The following PCSK6 variants were observed in gnomAD, a reference collection of about 807,000 sequenced individuals.
PCSK6 encodes paired basic amino acid cleaving enzyme 4.
Under a neutral mutation model 123.3 loss-of-function variants are expected in PCSK6, and 85 were observed. The ratio of observed to expected loss-of-function variants is 0.69; its 90% CI spans 0.58 to 0.83. The LOEUF is 0.83. PCSK6 is among the 40% of genes least tolerant of loss of function. The pLI is 0.00. For missense variants in PCSK6, 1,191 were observed against 1,282.3 expected (o/e 0.93, Z 1.09); for synonymous variants, 508 against 516.0 (o/e 0.98, Z 0.21).
chr15:101,430,124 G>T, intron 4 of PCSK6, 61 bp from the exon 5 acceptor site: 1 of 1,364,038 alleles, frequency 7.3e-7, no homozygotes, highest in South Asian at 1.2e-5. Flanking sequence ...GTTTGAAATG[G>T]ATTTTATGTT....
chr15:101,363,882 C>T (rs2041311394), intron 13 of PCSK6, among the ~76,000 whole-genome samples: 1 of 152,008 alleles, frequency 6.6e-6, no homozygotes, highest in Non-Finnish European at 1.5e-5. Flanking sequence ...TCGTGATCCA[C>T]CCGCCTCGGC....
At chr15:101,339,421 G>A (rs774598495) in intron 13 of PCSK6, among the ~76,000 whole-genome samples, 2 of 152,160 alleles carry the variant, frequency 1.3e-5, no homozygotes, top group Non-Finnish European at 2.9e-5. Flanking sequence ...AGCCACCCAT[G>A]GCTATGTTCA....
At chr15:101,345,642 G>A (rs368684867) in intron 13 of PCSK6, among the ~76,000 whole-genome samples, 42 of 152,320 alleles carry the variant, frequency 2.8e-4, no homozygotes, top group African/African-American at 1.0e-3. Flanking sequence ...AACACTGAGC[G>A]CTCTCGCGAA....
chr15:101,391,290 T>A (rs2042227166), intron 8 of PCSK6, among the ~76,000 whole-genome samples: 1 of 152,220 alleles, frequency 6.6e-6, no homozygotes, highest in African/African-American at 2.4e-5. Flanking sequence ...TGAATGTACT[T>A]GGGCTTGGTA....
chr15:101,375,235 G>A (rs928433295), intron 11 of PCSK6, among the ~76,000 whole-genome samples: 3 of 152,160 alleles, frequency 2.0e-5, no homozygotes, highest in Admixed American at 6.5e-5. Context: ...TTACAGGCGT[G>A]AGCCACGGCG....
rs118088280 is a variant in PCSK6, at chr15:101,355,476, G to A, written c.1858+10720C>T. The stretch of plus-strand genomic sequence containing the variant: ...GGGAGGGCTAGGCCAACTCAGTAAA[G>A]TTTGGGCCCTGTACATAGCCCTGGT... On this transcript the variant is annotated intron_variant, in intron 13 of 21. Coordinates refer to ENST00000611716, the MANE Select transcript of PCSK6 (RefSeq NM_002570.5). 6.7e-3 allele frequency among the ~76,000 whole-genome samples: 1,025 copies of A among 152,354 alleles called. 7 individuals are homozygous for A. The highest frequency in any genetic ancestry group is 0.041 in the Middle Eastern group (12 of 294).
At chr15:101,331,727 C>A in intron 14 of PCSK6, 38 bp from the exon 15 acceptor site, 2 of 1,548,446 alleles carry the variant, frequency 1.3e-6, no homozygotes, top group Non-Finnish European at 1.7e-6. Context: ...TTATGACTCC[C>A]AGGCAAGAGA....
At chr15:101,312,816 C>A (rs181248270) in intron 20 of PCSK6, among the ~76,000 whole-genome samples, 2 of 147,748 alleles carry the variant, frequency 1.4e-5, no homozygotes, top group Non-Finnish European at 3.0e-5. Context: ...GGGCGACAGG[C>A]GAGACTCCAT....
intron 20 of PCSK6, among the ~76,000 whole-genome samples, chr15:101,312,803 C>T (rs947816531): frequency 7.1e-6 from 1 of 140,208 alleles, no homozygotes; most frequent in Non-Finnish European, 1.5e-5. Flanking sequence ...TGCGCTCCAG[C>T]CTGGGCGACA....
At chr15:101,430,821 T>C (rs2056422997) in intron 4 of PCSK6, among the ~76,000 whole-genome samples, 1 of 152,206 alleles carries the variant, frequency 6.6e-6, no homozygotes, top group Non-Finnish European at 1.5e-5. Flanking sequence ...ACTAATTTAG[T>C]CCTTACAATA....
chr15:101,314,340 G>A (rs2039938144), intron 19 of PCSK6, among the ~76,000 whole-genome samples: 1 of 152,140 alleles, frequency 6.6e-6, no homozygotes, highest in Non-Finnish European at 1.5e-5. Context: ...GTGTCTCCAG[G>A]GAGCAACTGA....
chr15:101,380,612 T>C (rs1263278295), intron 11 of PCSK6, among the ~76,000 whole-genome samples: 2 of 152,220 alleles, frequency 1.3e-5, no homozygotes, highest in African/African-American at 4.8e-5. Flanking sequence ...CACTCAGCGG[T>C]CAGTGTGCAA....
chr15:101,397,864 C>T (rs897168155), intron 7 of PCSK6, among the ~76,000 whole-genome samples: 87 of 152,380 alleles, frequency 5.7e-4, no homozygotes, highest in African/African-American at 1.8e-3. Context: ...AGCATCTTTG[C>T]CCTGCTTAGC....
chr15:101,333,833 C>A (rs1055274157), intron 13 of PCSK6, among the ~76,000 whole-genome samples: 2 of 152,184 alleles, frequency 1.3e-5, no homozygotes, highest in Non-Finnish European at 2.9e-5. Flanking sequence ...GGACTGGCCC[C>A]ACTGGTGCGA....
intron 1 of PCSK6, among the ~76,000 whole-genome samples, chr15:101,449,423 T>A (rs964601381): frequency 6.6e-6 from 1 of 152,178 alleles, no homozygotes; most frequent in African/African-American, 2.4e-5. Flanking sequence ...TGTGTGTGTA[T>A]CTGTGCATAT....
chr15:101,358,504 T>C (rs1039297666), intron 13 of PCSK6, among the ~76,000 whole-genome samples: 10 of 152,240 alleles, frequency 6.6e-5, no homozygotes, highest in African/African-American at 2.4e-4. Flanking sequence ...TGTTCCCAAC[T>C]AGCCTGTGGG....
chr15:101,442,772 C>A (rs2056789693), intron 2 of PCSK6, among the ~76,000 whole-genome samples: 1 of 152,182 alleles, frequency 6.6e-6, no homozygotes, highest in Non-Finnish European at 1.5e-5. Context: ...CTTGCTGGGG[C>A]TGCTACTGCT....
intron 1 of PCSK6, among the ~76,000 whole-genome samples, chr15:101,477,606 T>C (rs2057765425): frequency 6.6e-6 from 1 of 152,230 alleles, no homozygotes; most frequent in African/African-American, 2.4e-5. Context: ...TTTATGGTTT[T>C]CTTGTTCTTT....
chr15:101,453,934 C>A (rs2057105412), intron 1 of PCSK6, among the ~76,000 whole-genome samples: 1 of 152,174 alleles, frequency 6.6e-6, no homozygotes, highest in Admixed American at 6.5e-5. Context: ...GCACAGCACA[C>A]CTGGGCACGC....
Sources: gnomAD v4.1 joint callset for allele counts (sites outside exome capture counted in the v4.1 genomes callset) on GRCh38, gnomAD v4.1.1 for gene constraint, MANE v1.5 for transcripts, NCBI Gene and HGNC (gene_info 2026-07-23, HGNC 2026-07-21) for gene names.